The following PMVK variants were observed in gnomAD, a reference collection of about 807,000 sequenced individuals.
PMVK encodes the protein testis tissue sperm-binding protein Li 95mP.
PMVK carries 10 observed loss-of-function variants against 19.0 expected under a neutral mutation model. That is an observed-to-expected ratio of 0.53 (90% confidence interval 0.32 to 0.89). PMVK has a LOEUF of 0.89. Among genes scored for constraint, PMVK ranks in the 40% least tolerant of loss-of-function variants. The pLI, the probability that PMVK is intolerant of heterozygous loss-of-function variation, is 0.03. For synonymous variants in PMVK, 108 were observed against 101.6 expected (o/e 1.06, Z -0.38); for missense variants, 222 against 251.1 (o/e 0.88, Z 0.78).
At chr1:154,926,194 C>A (rs1278476272) in intron 4 of PMVK, among the ~76,000 whole-genome samples, 160 bp downstream of exon 4, 1 of 152,208 alleles carries the variant, frequency 6.6e-6, no homozygotes, top group African/African-American at 2.4e-5. Context: ...GCCAAGGGAA[C>A]CTTGACCCTC....
chr1:154,926,276 C>T, intron 4 of PMVK, 78 bp downstream of exon 4: 2 of 1,386,660 alleles, frequency 1.4e-6, no homozygotes, highest in South Asian at 1.3e-5. Flanking sequence ...TTATTCACTT[C>T]CCCCAGGCCT....
At position 154,925,204 on chromosome 1, in the gene PMVK, G is replaced by T; in HGVS notation, c.504C>A (p.Ile168=). The T allele has an allele frequency of 6.2e-7, 1 of 1,613,668 alleles. No homozygotes were observed. Among genetic ancestry groups the T allele is most frequent in the Middle Eastern group, 1.6e-4 (1 of 6,062 alleles). The change falls in exon 5 of 5, where the codon ATC becomes ATA. Residue 168 remains isoleucine, a synonymous_variant. Transcript: ENST00000368467. ...GGCGCTGTTCAACTCCATGGTTCTC[G>T]ATGACCCAGTCAAAGTCCCCGAAGT... The part of the protein sequence containing the change: ...LDNFGDFDWV[I]ENHGVEQRLE...
intron 3 of PMVK, among the ~76,000 whole-genome samples, chr1:154,927,448 CAAAAAAAAAA>C (rs59872946): frequency 1.7e-4 from 6 of 35,544 alleles, no homozygotes; most frequent in East Asian, 1.7e-3. Flanking sequence ...GACTCTGTCT[CAAAAAAAAAA>C]AAAAAAAAAA....
At chr1:154,928,025 C>T (rs1449893523) in intron 3 of PMVK, among the ~76,000 whole-genome samples, 11 of 152,080 alleles carry the variant, frequency 7.2e-5, no homozygotes, top group Admixed American at 2.0e-4. Context: ...GCTTTTGCAC[C>T]AATATATCCC....
At chr1:154,938,602 T>TA (rs1163407738), upstream of PMVK, among the ~76,000 whole-genome samples, 7 of 150,818 alleles carry the variant, frequency 4.6e-5, no homozygotes, top group Non-Finnish European at 7.4e-5. Context: ...TCTCAAAAAA[T>TA]AAAAAAAAAC....
chr1:154,925,016 A>G lies in PMVK; in HGVS notation c.*113T>C. On this transcript the variant is annotated 3_prime_UTR_variant, in exon 5 of 5. Transcript: ENST00000368467. ...ATATCCACCAACCCCCTCAGAATCT[A>G]GACCCCCCCTGTCTGTTCCTCACCT... 1 of 551,772 alleles carries G rather than the reference A, an allele frequency of 1.8e-6. No individual in the cohort carries two copies. The allele number at this position is 551,772 out of a possible 1,614,324, so 34.2% of individuals were successfully genotyped here.
intron 1 of PMVK, among the ~76,000 whole-genome samples, chr1:154,934,817 C>G (rs968937015): frequency 7.9e-5 from 12 of 152,032 alleles, no homozygotes; most frequent in African/African-American, 2.7e-4. Flanking sequence ...AATCCCAGCA[C>G]TCTGGGAGGC....
At chr1:154,928,885 T>G (rs2101967889) in intron 3 of PMVK, 139 bp downstream of exon 3, 1 of 744,370 alleles carries the variant, frequency 1.3e-6, no homozygotes, top group Non-Finnish European at 2.3e-6. Context: ...TAGAGACCAG[T>G]GTGGAGGCTA....
At chr1:154,927,497 G>A (rs186774745) in intron 3 of PMVK, among the ~76,000 whole-genome samples, 136 of 138,262 alleles carry the variant, frequency 9.8e-4, no homozygotes, top group African/African-American at 3.5e-3. Flanking sequence ...TCCTCCACCC[G>A]GCCCCTGTGC....
upstream of PMVK, chr1:154,937,034 G>A: frequency 4.6e-6 from 1 of 216,448 alleles, no homozygotes; most frequent in East Asian, 1.0e-4. Flanking sequence ...GGGAGGAACC[G>A]GACGCGACTA....
chr1:154,936,007 G>C (rs934720548), intron 1 of PMVK, among the ~76,000 whole-genome samples: 1 of 152,186 alleles, frequency 6.6e-6, no homozygotes, highest in Non-Finnish European at 1.5e-5. Context: ...AACTTTTTAA[G>C]AGCCTCAGTT....
intron 1 of PMVK, among the ~76,000 whole-genome samples, chr1:154,934,308 C>CTTTGT (rs1350275267): frequency 6.6e-6 from 1 of 152,018 alleles, no homozygotes; most frequent in Non-Finnish European, 1.5e-5. Flanking sequence ...GATAAGTGTT[C>CTTTGT]TTTGTTTTGT....
Position 154,925,080 on chromosome 1 carries a change from G to GCCCCCCCCCCCCCCCCCC in PMVK, c.*48_*49insGGGGGGGGGGGGGGGGGG. On this transcript the variant is annotated 3_prime_UTR_variant, in exon 5 of 5. Transcript: ENST00000368467. ...GGGACACCCCCATTTTGCAGAGTCAGCCCCACCCCCACCTCAGCAGGCCCC... is the reference window on the plus strand; with the variant it reads ...GGGACACCCCCATTTTGCAGAGTCAGCCCCCCCCCCCCCCCCCCCCCCACCCCCACCTCAGCAGGCCCC... 2 of 1,459,214 alleles carry GCCCCCCCCCCCCCCCCCC rather than the reference G, an allele frequency of 1.4e-6. No individual in the cohort carries two copies. The highest frequency in any genetic ancestry group is 1.9e-6 in the Non-Finnish European group (2 of 1,076,454). The allele number at this position is 1,459,214 out of a possible 1,614,324, so 90.4% of individuals were successfully genotyped here.
intron 1 of PMVK, among the ~76,000 whole-genome samples, chr1:154,935,537 G>A (rs954774929): frequency 1.3e-5 from 2 of 152,218 alleles, no homozygotes; most frequent in Non-Finnish European, 2.9e-5. Flanking sequence ...CTTGGCGCAA[G>A]ATAAAGTTGA....
At chr1:154,932,807 T>C (rs1654377745) in intron 1 of PMVK, among the ~76,000 whole-genome samples, 1 of 152,230 alleles carries the variant, frequency 6.6e-6, no homozygotes, top group African/African-American at 2.4e-5. Flanking sequence ...ATATATCATT[T>C]ATTAATTCAC....
At chr1:154,931,544 A>G (rs913791384) in intron 2 of PMVK, among the ~76,000 whole-genome samples, 1 of 152,172 alleles carries the variant, frequency 6.6e-6, no homozygotes, top group African/African-American at 2.4e-5. Flanking sequence ...GGGGCAACCA[A>G]TGGTACGGTT....
chr1:154,937,850 TTTG>T (rs1320680862), upstream of PMVK: 1 of 152,052 alleles, frequency 6.6e-6, no homozygotes, highest in African/African-American at 2.4e-5. Flanking sequence ...TGGGGTTTTT[TTTG>T]TTTTTTTTCA....
chr1:154,934,840 A>G (rs1158467694), intron 1 of PMVK, among the ~76,000 whole-genome samples: 1 of 152,032 alleles, frequency 6.6e-6, no homozygotes, highest in Non-Finnish European at 1.5e-5. Context: ...AGGCAGGCAG[A>G]TCACCTGAGG....
chr1:154,926,584 A>AC (rs1354384199), intron 3 of PMVK, 101 bp from the exon 4 acceptor site: 27 of 952,246 alleles, frequency 2.8e-5, no homozygotes, highest in South Asian at 6.6e-5. Flanking sequence ...GTGTGGCTCT[A>AC]CCCCCCCATC....
Sources: allele counts gnomAD v4.1 joint callset (sites outside exome capture counted in the v4.1 genomes callset), GRCh38; gene constraint gnomAD v4.1.1; transcripts MANE v1.5; gene names NCBI Gene and HGNC (gene_info 2026-07-23, HGNC 2026-07-21).